The following AKT3 variants were observed in gnomAD, a reference collection of about 807,000 sequenced individuals.
AKT3 encodes AKT serine/threonine kinase 3, also known as RAC-gamma serine/threonine-protein kinase.
AKT3 carries 15 observed loss-of-function variants against 65.3 expected under a neutral mutation model. The ratio of observed to expected loss-of-function variants is 0.23; its 90% CI spans 0.15 to 0.35. The LOEUF (loss-of-function observed/expected upper bound fraction) is 0.35, where lower values mean the gene tolerates loss of function less well. AKT3 is among the 10% of genes least tolerant of loss of function. The pLI, the probability that AKT3 is intolerant of heterozygous loss-of-function variation, is 1.00. For synonymous variants in AKT3, 206 were observed against 183.8 expected (o/e 1.12, Z -0.98); for missense variants, 243 against 576.5 (o/e 0.42, Z 5.92).
At chr1:243,513,151 A>T (rs1181802071) in intron 12 of AKT3, among the ~76,000 whole-genome samples, 1 of 152,138 alleles carries the variant, frequency 6.6e-6, no homozygotes, top group Non-Finnish European at 1.5e-5. Flanking sequence ...GTGGAAGGAA[A>T]GTCTCGGGCT....
At chr1:243,699,915 C>T (rs1424960849) in intron 2 of AKT3, among the ~76,000 whole-genome samples, 1 of 151,948 alleles carries the variant, frequency 6.6e-6, no homozygotes, top group African/African-American at 2.4e-5. Context: ...GAACTATGGG[C>T]CAAAAGCCAA....
intron 2 of AKT3, among the ~76,000 whole-genome samples, chr1:243,772,538 C>A (rs997838455): frequency 6.6e-6 from 1 of 152,160 alleles, no homozygotes; most frequent in Non-Finnish European, 1.5e-5. Context: ...CAGGAAACAA[C>A]AGGTGCTGGA....
intron 4 of AKT3, among the ~76,000 whole-genome samples, chr1:243,654,252 C>T (rs1681594468): frequency 6.6e-6 from 1 of 152,124 alleles, no homozygotes; most frequent in Non-Finnish European, 1.5e-5. Flanking sequence ...AAAAAATTAA[C>T]TCCATTTTTG....
rs1041284158 is a variant in AKT3, at chr1:243,499,852, A to C, written c.*5397T>G. 4.7e-6 allele frequency: 7 copies of C among 1,484,146 alleles called. No homozygotes were observed. Among genetic ancestry groups the C allele is most frequent in the Non-Finnish European group, 6.6e-6 (7 of 1,068,250 alleles). The allele number at this position is 1,484,146 out of a possible 1,614,324, so 91.9% of individuals were successfully genotyped here. A position where few individuals can be genotyped will look rare whatever the true frequency, so the allele number is the denominator to read the frequency against. ...ATTTACATTCATCTGGTTTAGACTTAATATGCCACAACGCACCACGACCTT... is the reference window on the plus strand; with the variant it reads ...ATTTACATTCATCTGGTTTAGACTTCATATGCCACAACGCACCACGACCTT... On this transcript the variant is annotated 3_prime_UTR_variant, in exon 14 of 14. Transcript: ENST00000673466.
intron 3 of AKT3, among the ~76,000 whole-genome samples, chr1:243,686,761 G>A (rs777014312): frequency 9.4e-5 from 13 of 138,884 alleles, no homozygotes; most frequent in South Asian, 2.4e-4. Context: ...TCCACCTCCC[G>A]GGTTCAAGCA....
intron 2 of AKT3, among the ~76,000 whole-genome samples, chr1:243,710,089 C>T (rs1293650915): frequency 6.6e-6 from 1 of 152,016 alleles, no homozygotes; most frequent in Non-Finnish European, 1.5e-5. Context: ...ACATACTGGC[C>T]AATATTTTTA....
At chr1:243,834,865 T>C (rs572441593) in intron 2 of AKT3, among the ~76,000 whole-genome samples, 101 of 152,256 alleles carry the variant, frequency 6.6e-4, no homozygotes, top group African/African-American at 2.2e-3. Flanking sequence ...CTTTTCCTGC[T>C]CTTTTTCAAA....
chr1:243,734,210 G>A (rs572016838), intron 2 of AKT3, among the ~76,000 whole-genome samples: 27 of 152,288 alleles, frequency 1.8e-4, no homozygotes, highest in African/African-American at 5.8e-4. Flanking sequence ...GTGAATCAAT[G>A]TATGTATGAA....
At chr1:243,520,350 G>T (rs916477064) in intron 12 of AKT3, among the ~76,000 whole-genome samples, 1 of 152,106 alleles carries the variant, frequency 6.6e-6, no homozygotes, top group Non-Finnish European at 1.5e-5. Flanking sequence ...CCTTGATCTT[G>T]GACTTTCGCC....
chr1:243,658,692 G>T (rs750195159), intron 4 of AKT3, among the ~76,000 whole-genome samples: 3 of 151,724 alleles, frequency 2.0e-5, no homozygotes, highest in Admixed American at 6.6e-5. Context: ...TGCACTATTC[G>T]CAATAGCCAA....
At position 243,552,848 on chromosome 1, in the gene AKT3, G is replaced by A. The variant is rs199771220; in HGVS notation, c.1044C>T (p.Asn348=). Residue 348 remains asparagine, a synonymous_variant, in exon 11 of 14, where the codon AAC becomes AAT. Transcript: ENST00000673466. ...ATTCAAAAAGTTTCTCATGGTCCTG[G>A]TTGTAGAAAGGTAACCTCCCACACA... The part of the protein sequence containing the change: ...EMMCGRLPFY[N]QDHEKLFELI... 1.0e-4 allele frequency: 166 copies of A among 1,613,908 alleles called. No homozygotes were observed. In the East Asian group the frequency reaches 3.5e-3, roughly 34 times the overall value.
chr1:243,693,242 TGATATATATATATATATATATATATA>T (rs1193153893), intron 3 of AKT3, among the ~76,000 whole-genome samples: 3,881 of 60,030 alleles, frequency 0.065, 408 homozygotes, highest in Middle Eastern at 0.14. Context: ...AGCTACAATT[TGATATATATATATATATATATATATA>T]TATATATATA....
intron 2 of AKT3, among the ~76,000 whole-genome samples, chr1:243,834,703 A>T (rs1296723979): frequency 6.6e-6 from 1 of 152,054 alleles, no homozygotes; most frequent in African/African-American, 2.4e-5. Context: ...CCCATATAAC[A>T]TCTAACCAAT....
chr1:243,569,386 A>G (rs1029059390), intron 9 of AKT3, among the ~76,000 whole-genome samples: 4 of 152,218 alleles, frequency 2.6e-5, no homozygotes, highest in Non-Finnish European at 5.9e-5. Context: ...AAGTGGAAGG[A>G]ATGAAGAGCA....
intron 2 of AKT3, among the ~76,000 whole-genome samples, chr1:243,833,713 AAAAC>A (rs1356662993): frequency 2.6e-5 from 4 of 152,060 alleles, no homozygotes; most frequent in Non-Finnish European, 5.9e-5. Flanking sequence ...AAATGATAAA[AAAAC>A]CACAATTATC....
intron 2 of AKT3, among the ~76,000 whole-genome samples, chr1:243,831,101 G>A (rs1694481008): frequency 6.6e-6 from 1 of 152,126 alleles, no homozygotes; most frequent in Non-Finnish European, 1.5e-5. Context: ...CCTAATATCT[G>A]TGACATACTG....
At chr1:243,769,496 G>A (rs1690039420) in intron 2 of AKT3, among the ~76,000 whole-genome samples, 1 of 152,082 alleles carries the variant, frequency 6.6e-6, no homozygotes, top group Admixed American at 6.6e-5. Flanking sequence ...ATCCTAATAG[G>A]TGAGTTGATA....
At chr1:243,810,249 A>G (rs986680669) in intron 2 of AKT3, among the ~76,000 whole-genome samples, 10 of 152,196 alleles carry the variant, frequency 6.6e-5, no homozygotes, top group Admixed American at 1.3e-4. Context: ...TGGTTTTTTG[A>G]AAAGATCAAC....
chr1:243,496,549 G>C (rs184042287), downstream of AKT3, among the ~76,000 whole-genome samples: 15 of 152,250 alleles, frequency 9.9e-5, no homozygotes, highest in Non-Finnish European at 1.9e-4. Flanking sequence ...CGGACAGCAG[G>C]GGGGGAAGGG....
Sources: gnomAD v4.1 joint callset for allele counts (sites outside exome capture counted in the v4.1 genomes callset) on GRCh38, gnomAD v4.1.1 for gene constraint, MANE v1.5 for transcripts, NCBI Gene and HGNC (gene_info 2026-07-23, HGNC 2026-07-21) for gene names.